Variants in SETD5 observed in about 807,000 individuals in gnomAD.
SETD5 encodes histone-lysine N-methyltransferase SETD5.
A neutral mutation model predicts 153.3 loss-of-function variants in SETD5; 44 were observed. The ratio of observed to expected loss-of-function variants is 0.29; its 90% CI spans 0.23 to 0.37. SETD5 has a LOEUF of 0.37. Ranked by LOEUF, SETD5 falls within the 10% of genes least tolerant of loss-of-function variation. The pLI is 1.00. For missense variants in SETD5, 1,544 were observed against 1,768.0 expected (o/e 0.87, Z 2.27); for synonymous variants, 716 against 645.2 (o/e 1.11, Z -1.66).
intron 11 of SETD5, among the ~76,000 whole-genome samples, chr3:9,444,644 A>G (rs1242596525): frequency 6.6e-6 from 1 of 152,096 alleles, no homozygotes. Context: ...TAATCCCAGC[A>G]CTTTGGGAGG....
At chr3:9,411,627 T>G (rs2036580663) in intron 1 of SETD5, among the ~76,000 whole-genome samples, 1 of 152,238 alleles carries the variant, frequency 6.6e-6, no homozygotes, top group Non-Finnish European at 1.5e-5. Flanking sequence ...TCCTAAACAT[T>G]ATGAGCATTA....
chr3:9,454,345 G>A (rs1005568516), intron 17 of SETD5, among the ~76,000 whole-genome samples: 1 of 152,004 alleles, frequency 6.6e-6, no homozygotes, highest in African/African-American at 2.4e-5. Context: ...ACAGCCGGGC[G>A]CTGTGGCTCG....
chr3:9,431,829 C>T (rs571763254), intron 3 of SETD5: 4 of 621,496 alleles, frequency 6.4e-6, no homozygotes, highest in East Asian at 1.4e-4. Flanking sequence ...TCCTGTCCCC[C>T]TCCCACCAAA....
intron 1 of SETD5, among the ~76,000 whole-genome samples, chr3:9,415,834 G>T (rs138871274): frequency 6.7e-6 from 1 of 150,354 alleles, no homozygotes; most frequent in Non-Finnish European, 1.5e-5. Context: ...AAAGCGCTAG[G>T]ATACAGGTGT....
At chr3:9,448,805 G>T (rs2042302030) in intron 16 of SETD5, among the ~76,000 whole-genome samples, 175 bp downstream of exon 16, 1 of 152,192 alleles carries the variant, frequency 6.6e-6, no homozygotes, top group South Asian at 2.1e-4. Flanking sequence ...TCAAGAGTCT[G>T]TGAGACTGTG....
chr3:9,428,836 C>T lies in SETD5; in HGVS notation c.-103C>T. ...TTTCTGTTACAGGATTCCTCATGTC[C>T]ATAACATGTTGGATGAGGCTCTGCA... On this transcript the variant is annotated 5_prime_UTR_variant, in exon 3 of 23. Coordinates refer to ENST00000402198, the MANE Select transcript of SETD5 (RefSeq NM_001080517.3). 1.6e-6 allele frequency: 1 copy of T among 637,852 alleles called. No individual in the cohort carries two copies. Among genetic ancestry groups the T allele is most frequent in the Non-Finnish European group, 2.7e-6 (1 of 367,828 alleles). 39.5% of individuals were successfully genotyped at this position (637,852 alleles called of 1,614,324 possible).
chr3:9,455,255 G>A (rs370309299), intron 17 of SETD5, among the ~76,000 whole-genome samples: 12 of 128,074 alleles, frequency 9.4e-5, no homozygotes, highest in South Asian at 2.6e-4. Flanking sequence ...ACAGGCGCCC[G>A]CCACCTCACC....
intron 1 of SETD5, among the ~76,000 whole-genome samples, chr3:9,419,753 C>T (rs186305128): frequency 2.4e-3 from 363 of 152,070 alleles, no homozygotes; most frequent in Non-Finnish European, 4.0e-3. Flanking sequence ...GTTTGTTCAT[C>T]GGTTGGAGAA....
intron 2 of SETD5, among the ~76,000 whole-genome samples, chr3:9,425,624 G>T (rs2039071447): frequency 7.0e-6 from 1 of 142,520 alleles, no homozygotes. Context: ...TGCTCAGGCT[G>T]GAGTGCAGTG....
In SETD5 at chr3:9,430,306, A is replaced by G. The variant is rs546373931; in HGVS notation, c.71+1297A>G. The G allele has an allele frequency of 1.5e-4, 147 of 983,108 alleles. 1 individual carries two copies. In the South Asian group the frequency reaches 6.2e-3, roughly 41 times the overall value. The allele number at this position is 983,108 out of a possible 1,614,324, so 60.9% of individuals were successfully genotyped here. A position where few individuals can be genotyped will look rare whatever the true frequency, so the allele number is the denominator to read the frequency against. On this transcript the variant is annotated intron_variant, in intron 3 of 22. Coordinates refer to ENST00000402198, the MANE Select transcript of SETD5 (RefSeq NM_001080517.3). ...ACTTAAAGCTACCCTGAGAAATAGT[A>G]TATAATATTCTGGGGTAGTCTAAAA...
At chr3:9,445,965 G>GGTTTTTTTTTTTTTTTTTTTTT (rs2041907619) in intron 13 of SETD5, among the ~76,000 whole-genome samples, 1 of 86,476 alleles carries the variant, frequency 1.2e-5, no homozygotes, top group African/African-American at 4.7e-5. Context: ...TGAAGAGGTT[G>GGTTTTTTTTTTTTTTTTTTTTT]TTTTTTTTTT....
chr3:9,435,074 A>G (rs2040396228), intron 6 of SETD5, among the ~76,000 whole-genome samples, 192 bp downstream of exon 6: 2 of 152,032 alleles, frequency 1.3e-5, no homozygotes, highest in African/African-American at 4.8e-5. Flanking sequence ...GAGAAACCCC[A>G]TCTCTACTGA....
chr3:9,447,022 CTT>C, intron 13 of SETD5, 26 bp from the exon 14 acceptor site: 1 of 1,564,314 alleles, frequency 6.4e-7, no homozygotes, highest in Non-Finnish European at 8.6e-7. Flanking sequence ...TTGAAGCTTC[CTT>C]CTACACCAGT....
chr3:9,459,929 G>A (rs2043748552), intron 17 of SETD5, among the ~76,000 whole-genome samples: 2 of 151,910 alleles, frequency 1.3e-5, no homozygotes, highest in South Asian at 4.1e-4. Flanking sequence ...AAAATTGCCA[G>A]TTGTCATGCA....
Position 9,453,792 on chromosome 3 carries a change from C to T in SETD5, c.2400C>T (p.Pro800=), listed in dbSNP as rs771684604. 5.6e-6 allele frequency: 9 copies of T among 1,609,452 alleles called. No individual in the cohort carries two copies. Among genetic ancestry groups the T allele is most frequent in the Non-Finnish European group, 7.6e-6 (9 of 1,178,682 alleles). The change falls in exon 17 of 23, where the codon CCC becomes CCT. Residue 800 remains proline (P), a synonymous_variant. Coordinates refer to ENST00000402198, the MANE Select transcript of SETD5 (RefSeq NM_001080517.3). ...EEGMTQTSSV[P]QETRTQHLYQ... Reference sequence around the variant, plus strand: ...GGATGACTCAAACATCATCTGTACCCCAAGAGACTAGAACTCAGCACCTAT... The same window carrying T: ...GGATGACTCAAACATCATCTGTACCTCAAGAGACTAGAACTCAGCACCTAT...
At chr3:9,443,523 C>T (rs2041556657) in intron 11 of SETD5, 106 bp downstream of exon 11, 1 of 617,074 alleles carries the variant, frequency 1.6e-6, no homozygotes, top group Admixed American at 4.0e-5. Flanking sequence ...CCTTTGTTTA[C>T]TTAATCTTTT....
intron 17 of SETD5, among the ~76,000 whole-genome samples, chr3:9,457,867 G>A (rs1231058628): frequency 6.7e-6 from 1 of 149,686 alleles, no homozygotes; most frequent in Non-Finnish European, 1.5e-5. Context: ...TAGTTCCCAT[G>A]AAACTGCCTT....
intron 13 of SETD5, 96 bp from the exon 14 acceptor site, chr3:9,446,954 G>C: frequency 1.2e-6 from 1 of 847,808 alleles, no homozygotes; most frequent in Non-Finnish European, 1.8e-6. Flanking sequence ...GTAGTTAAAT[G>C]AATTTCTGTA....
At chr3:9,442,533 C>T (rs931430481) in intron 10 of SETD5, among the ~76,000 whole-genome samples, 12 of 152,074 alleles carry the variant, frequency 7.9e-5, no homozygotes. Flanking sequence ...AAAGAGATTG[C>T]CATACGGTGG....
Sources: allele counts gnomAD v4.1 joint callset (sites outside exome capture counted in the v4.1 genomes callset), GRCh38; gene constraint gnomAD v4.1.1; transcripts MANE v1.5; gene names NCBI Gene and HGNC (gene_info 2026-07-23, HGNC 2026-07-21).